The following CLIC5 variants were observed in gnomAD, a reference collection of about 807,000 sequenced individuals.
CLIC5 encodes the protein chloride intracellular channel protein 5.
Under a neutral mutation model 24.7 loss-of-function variants are expected in CLIC5, and 20 were observed. That is an observed-to-expected ratio of 0.81 (90% CI 0.57 to 1.18). The LOEUF (loss-of-function observed/expected upper bound fraction) is 1.18, where lower values mean the gene tolerates loss of function less well. CLIC5 is among the 50% of genes most tolerant of loss of function. The probability of loss-of-function intolerance (pLI) is 0.00; values close to 1 mark genes in which losing one functional copy is unlikely to be tolerated. For synonymous variants in CLIC5, 159 were observed against 135.6 expected (o/e 1.17, Z -1.20); for missense variants, 341 against 326.1 (o/e 1.05, Z -0.35).
At chr6:45,920,526 G>T in intron 4 of CLIC5, 1 of 321,092 alleles carries the variant, frequency 3.1e-6, no homozygotes, top group Non-Finnish European at 4.5e-6. Context: ...GATGTCTCTG[G>T]CCATCACATA....
At chr6:46,104,024 T>C in the CLIC5 span, among the ~76,000 whole-genome samples, 1 of 152,192 alleles carries the variant, frequency 6.6e-6, no homozygotes, top group Non-Finnish European at 1.5e-5. Context: ...CTAGTCTTGG[T>C]GTAGTCAAGT....
chr6:46,032,566 C>T (rs1767533142), intron 1 of CLIC5, among the ~76,000 whole-genome samples: 1 of 152,184 alleles, frequency 6.6e-6, no homozygotes, highest in East Asian at 1.9e-4. Context: ...CTCTGCCCAA[C>T]CCACACAGAA....
chr6:46,097,268 T>A, the CLIC5 span: 2 of 152,208 alleles, frequency 1.3e-5, no homozygotes, highest in Admixed American at 6.5e-5. Flanking sequence ...TAGCAAATGT[T>A]TATTGTAGAA....
chr6:46,097,819 T>A, the CLIC5 span, among the ~76,000 whole-genome samples: 3 of 152,058 alleles, frequency 2.0e-5, no homozygotes, highest in East Asian at 5.8e-4. Flanking sequence ...TAATTCATAT[T>A]TTTTTTTGCT....
At chr6:46,112,440 T>C in the CLIC5 span, among the ~76,000 whole-genome samples, 89 of 152,340 alleles carry the variant, frequency 5.8e-4, 1 homozygote, top group Non-Finnish European at 1.2e-3. Context: ...TAATCTGTTT[T>C]GCCGCAATCC....
intron 3 of CLIC5, among the ~76,000 whole-genome samples, chr6:45,942,975 C>T (rs1216672424): frequency 1.3e-5 from 2 of 152,236 alleles, no homozygotes; most frequent in Admixed American, 1.3e-4. Context: ...CAGTGTCCTT[C>T]CCCCTCCACT....
chr6:46,038,971 G>T (rs1289236273), intron 1 of CLIC5, among the ~76,000 whole-genome samples: 4 of 152,106 alleles, frequency 2.6e-5, no homozygotes, highest in Admixed American at 1.3e-4. Flanking sequence ...ATGGAGATAA[G>T]AATATCATTA....
chr6:46,126,527 T>C, the CLIC5 span, among the ~76,000 whole-genome samples: 1 of 152,156 alleles, frequency 6.6e-6, no homozygotes, highest in Non-Finnish European at 1.5e-5. Flanking sequence ...TATTTTACAA[T>C]CTTAACTTGA....
rs765538500 is a variant in CLIC5, at chr6:45,914,386, C to A, written c.430G>T (p.Ala144Ser). 1.9e-6 allele frequency: 3 copies of A among 1,582,988 alleles called. No individual in the cohort carries two copies. Among genetic ancestry groups the A allele is most frequent in the African/African-American group, 1.3e-5 (1 of 74,370 alleles). The change falls in exon 5 of 6, where the codon GCT becomes TCT. Residue 144 changes from alanine (A) to serine (S), a missense_variant. By Grantham distance (99) the Ala-to-Ser change is moderately conservative. Transcript: ENST00000339561. ...AGGTAGTCATCCAATTTCTTTAGAG[C>A]CTTGGTTAGGCCTCTTTCAAGAGCT... ...NAALERGLTK[A>S]LKKLDDYLNT...
upstream of CLIC5, among the ~76,000 whole-genome samples, chr6:46,020,235 G>A (rs1767138168): frequency 6.6e-6 from 1 of 152,076 alleles, no homozygotes; most frequent in Non-Finnish European, 1.5e-5. Flanking sequence ...TATGTTCTCT[G>A]ACCATAATGG....
intron 4 of CLIC5, among the ~76,000 whole-genome samples, chr6:45,930,253 T>C (rs1763678808): frequency 6.6e-6 from 1 of 152,128 alleles, no homozygotes; most frequent in South Asian, 2.1e-4. Flanking sequence ...CCCAGGCCGC[T>C]CTGAATCCTT....
chr6:45,916,369 G>T (rs978144931), intron 4 of CLIC5, among the ~76,000 whole-genome samples: 2 of 152,058 alleles, frequency 1.3e-5, no homozygotes, highest in African/African-American at 4.8e-5. Flanking sequence ...GCAGAGGGTG[G>T]GTACTAAACA....
intron 6 of CLIC5, among the ~76,000 whole-genome samples, chr6:45,888,825 C>G (rs1762326522): frequency 6.6e-6 from 1 of 152,074 alleles, no homozygotes; most frequent in Admixed American, 6.6e-5. Flanking sequence ...TATTTGCTAG[C>G]CAACACAGAT....
the CLIC5 span, among the ~76,000 whole-genome samples, chr6:46,088,257 T>C: frequency 2.6e-5 from 4 of 151,686 alleles, no homozygotes; most frequent in Non-Finnish European, 5.9e-5. Context: ...CTCTGAACCA[T>C]CCAGGAAAGA....
chr6:46,086,107 A>G, the CLIC5 span, among the ~76,000 whole-genome samples: 15 of 152,182 alleles, frequency 9.9e-5, no homozygotes, highest in African/African-American at 3.1e-4. Flanking sequence ...AAAGCGCAGT[A>G]TTAGGGTGGG....
intron 1 of CLIC5, among the ~76,000 whole-genome samples, chr6:45,987,516 T>C (rs1402050938): frequency 6.6e-6 from 1 of 152,220 alleles, no homozygotes; most frequent in Non-Finnish European, 1.5e-5. Context: ...GTTGTTATAA[T>C]CACAACACCA....
chr6:46,039,188 A>G (rs1176559901), intron 1 of CLIC5, among the ~76,000 whole-genome samples: 1 of 152,180 alleles, frequency 6.6e-6, no homozygotes, highest in Non-Finnish European at 1.5e-5. Flanking sequence ...TGAAACACTG[A>G]TTTTAAGATT....
intron 1 of CLIC5, among the ~76,000 whole-genome samples, chr6:46,055,005 G>T (rs1191598919): frequency 2.0e-5 from 3 of 152,200 alleles, no homozygotes; most frequent in African/African-American, 7.2e-5. Flanking sequence ...CTTTCAAAGA[G>T]ATGTTCCCTT....
At chr6:45,937,147 C>T (rs555856323) in intron 4 of CLIC5, among the ~76,000 whole-genome samples, 20 of 152,198 alleles carry the variant, frequency 1.3e-4, no homozygotes, top group African/African-American at 4.8e-4. Context: ...GAGGACCATG[C>T]ACCAACAAAG....
Sources: allele counts gnomAD v4.1 joint callset (sites outside exome capture counted in the v4.1 genomes callset), GRCh38; gene constraint gnomAD v4.1.1; transcripts MANE v1.5; gene names NCBI Gene and HGNC (gene_info 2026-07-23, HGNC 2026-07-21).